The following SUSD1 variants were observed in gnomAD, a reference collection of about 807,000 sequenced individuals.
The protein encoded by SUSD1 is sushi domain-containing protein 1.
Under a neutral mutation model 86.9 loss-of-function variants are expected in SUSD1, and 65 were observed. The observed-to-expected ratio is 0.75, with a 90% confidence interval of 0.61 to 0.92. SUSD1 has a LOEUF of 0.92. SUSD1 is among the 40% of genes least tolerant of loss of function. The probability of loss-of-function intolerance (pLI) is 0.00; values close to 1 mark genes in which losing one functional copy is unlikely to be tolerated. For synonymous variants in SUSD1, 346 were observed against 350.0 expected, an observed-to-expected ratio of 0.99 and a Z score of 0.13; for missense variants, 850 against 929.7, an observed-to-expected ratio of 0.91 and a Z score of 1.11.
At chr9:112,097,407 T>C (rs1049215062) in intron 10 of SUSD1, among the ~76,000 whole-genome samples, 2 of 149,556 alleles carry the variant, frequency 1.3e-5, no homozygotes, top group Admixed American at 6.7e-5. Flanking sequence ...TTTTTTTTTT[T>C]TTTTTTTTGA....
chr9:112,132,807 T>C (rs185977820), intron 5 of SUSD1, among the ~76,000 whole-genome samples: 147 of 152,360 alleles, frequency 9.6e-4, no homozygotes, highest in African/African-American at 3.4e-3. Flanking sequence ...CTAAGGAACC[T>C]GCGACAAAGT....
chr9:112,041,439 C>CA lies in SUSD1; in HGVS notation c.*52dup. ...TCTGTGCGGGCACCTGAGAAGCTGC[C>CA]AGAACACCTGCCCAGCAGCAGTGCA... is the stretch of plus-strand genomic sequence containing the variant. On this transcript the variant is annotated 3_prime_UTR_variant, in exon 17 of 17. Transcript: ENST00000374270. 1 of 780,892 alleles carries CA rather than the reference C, an allele frequency of 1.3e-6. No homozygotes were observed. The highest frequency in any genetic ancestry group is 1.3e-5 in the South Asian group (1 of 74,604). 48.4% of individuals were successfully genotyped at this position (780,892 alleles called of 1,614,324 possible).
At position 112,143,459 on chromosome 9, in the gene SUSD1, G is replaced by C. The variant is rs1299239072; in HGVS notation, c.526+12C>G. The C allele has an allele frequency of 1.9e-6, 3 of 1,609,076 alleles. No homozygotes were observed. The highest frequency in any genetic ancestry group is 2.5e-6 in the Non-Finnish European group (3 of 1,178,100). ...TCACGTTGAGATGCCGCAATTTTTG[G>C]CAGAAACCCACCTGTGCATGATGTG... On this transcript the variant is annotated intron_variant, in intron 4 of 16. Coordinates refer to ENST00000374270, the MANE Select transcript of SUSD1 (RefSeq NM_022486.5).
At chr9:112,143,075 C>T (rs773129904) in intron 4 of SUSD1, among the ~76,000 whole-genome samples, 2 of 133,776 alleles carry the variant, frequency 1.5e-5, no homozygotes, top group Non-Finnish European at 3.1e-5. Flanking sequence ...ACCTCTGTCT[C>T]CTGGGTTCAA....
At chr9:112,122,095 C>T (rs749549055) in intron 6 of SUSD1, among the ~76,000 whole-genome samples, 3 of 152,248 alleles carry the variant, frequency 2.0e-5, no homozygotes, top group East Asian at 3.9e-4. Context: ...ATGAGGAAAC[C>T]GAGGCTCAGA....
chr9:112,139,548 G>A (rs1229061770), intron 5 of SUSD1, among the ~76,000 whole-genome samples: 1 of 151,888 alleles, frequency 6.6e-6, no homozygotes, highest in African/African-American at 2.4e-5. Flanking sequence ...AGGCTCAAGT[G>A]GTCCTCCCAC....
chr9:112,116,315 C>T (rs747687000), intron 6 of SUSD1, among the ~76,000 whole-genome samples: 2 of 152,176 alleles, frequency 1.3e-5, no homozygotes, highest in Non-Finnish European at 2.9e-5. Flanking sequence ...GATATTTCAT[C>T]CCAGGGAGCA....
At position 112,157,629 on chromosome 9, in the gene SUSD1, T is replaced by C. The variant is rs1315022099; in HGVS notation, c.104-16A>G. 1 of 1,601,194 alleles carries C rather than the reference T, an allele frequency of 6.2e-7. No individual in the cohort carries two copies. ...ACGTCTAAACCTGAATCATAAATTG[T>C]ATGTTTCAGAAAAAGAAAAATGCAA... On this transcript the variant is annotated splice_polypyrimidine_tract_variant and intron_variant, in intron 1 of 16. Transcript: ENST00000374270.
At chr9:112,172,390 C>T (rs1334558328) in intron 1 of SUSD1, among the ~76,000 whole-genome samples, 1 of 152,060 alleles carries the variant, frequency 6.6e-6, no homozygotes, top group East Asian at 1.9e-4. Flanking sequence ...CTAAATGAGC[C>T]TAGTCTTTCT....
intron 2 of SUSD1, 76 bp downstream of exon 2, chr9:112,157,424 G>A: frequency 1.0e-6 from 1 of 959,956 alleles, no homozygotes. Context: ...TTTCCCCAAG[G>A]ACATCAACTC....
At chr9:112,125,359 A>G (rs1203123736) in intron 5 of SUSD1, among the ~76,000 whole-genome samples, 1 of 152,198 alleles carries the variant, frequency 6.6e-6, no homozygotes, top group Non-Finnish European at 1.5e-5. Context: ...TAAATTTTCA[A>G]ATTATTTCAA....
At position 112,169,960 on chromosome 9, in the gene SUSD1, C is replaced by A. The variant is rs1353668212; in HGVS notation, c.103+5173G>T. 7.2e-5 allele frequency among the ~76,000 whole-genome samples: 11 copies of A among 152,148 alleles called. 1 individual carries two copies. Among genetic ancestry groups the A allele is most frequent in the Admixed American group, 7.2e-4 (11 of 15,260 alleles). On this transcript the variant is annotated intron_variant, in intron 1 of 16. Transcript: ENST00000374270. ...AAAGTGCTGGGATTATAGGTGTGAG[C>A]CACCACGCCAAGCTGAGTGTATCCT...
In SUSD1 at chr9:112,175,178, G is replaced by A; in HGVS notation, c.58C>T (p.Leu20=). 1 of 1,130,344 alleles carries A rather than the reference G, an allele frequency of 8.8e-7. No individual in the cohort carries two copies. The highest frequency in any genetic ancestry group is 1.1e-6 in the Non-Finnish European group (1 of 926,832). 70.0% of individuals were successfully genotyped at this position (1,130,344 alleles called of 1,614,324 possible). Residue 20 remains leucine, a synonymous_variant, in exon 1 of 17, where the codon CTG becomes TTG. Transcript: ENST00000374270. The surrounding 1 kb of genome is among the most constrained non-coding windows in gnomAD (Gnocchi z 4.7). ...PSRRLLPLLL[L]LGLARGAAGA... is the part of the protein sequence containing the mutation. Reference sequence around the variant, plus strand: ...GCGGCGCCGCGGGCCAGGCCGAGCAGCAGCAACAGCGGCAGCAGGCGGCGA... The same window carrying A: ...GCGGCGCCGCGGGCCAGGCCGAGCAACAGCAACAGCGGCAGCAGGCGGCGA...
At chr9:112,155,568 A>G (rs749447921) in intron 2 of SUSD1, among the ~76,000 whole-genome samples, 1 of 152,170 alleles carries the variant, frequency 6.6e-6, no homozygotes, top group Non-Finnish European at 1.5e-5. Context: ...TTTTGAAGAC[A>G]AGACTCAGTG....
chr9:112,070,179 T>C (rs369920079), intron 12 of SUSD1, among the ~76,000 whole-genome samples: 18 of 152,192 alleles, frequency 1.2e-4, no homozygotes, highest in African/African-American at 3.9e-4. Context: ...CTGATTTTTG[T>C]ATTTTTAGTA....
rs906390812 is a variant in SUSD1 at position 112,078,586 on chromosome 9, G to C, written c.1705C>G (p.Leu569Val). 2 of 1,613,906 alleles carry C rather than the reference G, an allele frequency of 1.2e-6. No individual in the cohort carries two copies. The highest frequency in any genetic ancestry group is 1.7e-6 in the Non-Finnish European group (2 of 1,179,814). ...GTNYNVSLRA[L>V]SSELPVVISL... ...ATGACCACAGGAAGTTCCGAAGACA[G>C]AGCCCGGAGACTGACATTGTAGTTG... The change falls in exon 12 of 17, where the codon CTG becomes GTG. Residue 569 changes from leucine to valine, a missense_variant. By Grantham distance (32) the Leu-to-Val change is conservative (BLOSUM62 1). Coordinates refer to ENST00000374270, the MANE Select transcript of SUSD1 (RefSeq NM_022486.5).
rs181931387 is a variant in SUSD1 at position 112,101,270 on chromosome 9, G to A, written c.1281+906C>T. 5.3e-5 allele frequency among the ~76,000 whole-genome samples: 8 copies of A among 152,146 alleles called. No homozygotes were observed. The East Asian group carries it at 1.2e-3, about 22-fold the overall frequency. On this transcript the variant is annotated intron_variant, in intron 9 of 16. Transcript: ENST00000374270. Reference sequence around the variant, plus strand: ...TCAGCTACTTGGGAGGCTGAGGCACGAGAGTCGCTTGAATTTGGAAGGTGG... The same window carrying A: ...TCAGCTACTTGGGAGGCTGAGGCACAAGAGTCGCTTGAATTTGGAAGGTGG...
intron 2 of SUSD1, among the ~76,000 whole-genome samples, chr9:112,156,343 T>A (rs1292523439): frequency 6.6e-6 from 1 of 151,164 alleles, no homozygotes; most frequent in African/African-American, 2.4e-5. Flanking sequence ...ATACCTGTAA[T>A]CCCAGCTACT....
chr9:112,064,424 C>T (rs983312114), intron 12 of SUSD1, among the ~76,000 whole-genome samples: 37 of 152,294 alleles, frequency 2.4e-4, no homozygotes, highest in African/African-American at 7.0e-4. Context: ...AATTTTATCC[C>T]GAAACCATCC....
Sources: allele counts gnomAD v4.1 joint callset (sites outside exome capture counted in the v4.1 genomes callset), GRCh38; gene constraint gnomAD v4.1.1; non-coding constraint Gnocchi (gnomAD v3.1); transcripts MANE v1.5; gene names NCBI Gene and HGNC (gene_info 2026-07-23, HGNC 2026-07-21).